The following POLG variants were observed in gnomAD, a reference collection of about 807,000 sequenced individuals.
POLG encodes DNA polymerase gamma, catalytic subunit.
A neutral mutation model predicts 155.4 loss-of-function variants in POLG; 110 were observed. The observed-to-expected ratio is 0.71, with a 90% CI of 0.61 to 0.83. The LOEUF is 0.83. Ranked by LOEUF, POLG falls within the 40% of genes least tolerant of loss-of-function variation. POLG has a pLI of 0.00. For missense variants in POLG, 1,685 were observed against 1,627.5 expected (o/e 1.04, Z -0.61); for synonymous variants, 701 against 631.5 (o/e 1.11, Z -1.65).
chr15:89,327,228 C>G lies in POLG; in HGVS notation c.1372G>C (p.Glu458Gln). The change falls in exon 7 of 23, where the codon GAG becomes CAG. Residue 458 changes from glutamate to glutamine, a missense_variant. Glu to Gln is a conservative substitution (Grantham distance 29). Around this residue, in one of 3 missense-constraint regions of POLG, gnomAD observed 1,210 missense variants for 1,167.1 expected, o/e 1.04. Transcript: ENST00000268124. ...AQGTYEELQREMKKSLMDLAN... is the reference protein window; with the variant it reads ...AQGTYEELQRQMKKSLMDLAN... ...AGATCCATCAACGACTTCTTCATCTCCCGCTGGAGCTCCTCATAAGTGCCC... is the reference window on the plus strand; with the variant it reads ...AGATCCATCAACGACTTCTTCATCTGCCGCTGGAGCTCCTCATAAGTGCCC... 6.2e-7 allele frequency: 1 copy of G among 1,614,238 alleles called. No individual in the cohort carries two copies. The highest frequency in any genetic ancestry group is 8.5e-7 in the Non-Finnish European group (1 of 1,180,042).
rs201016638 is a variant in POLG at position 89,333,621 on chromosome 15, T to C, written c.134A>G (p.Gln45Arg). 883 of 1,599,410 alleles carry C rather than the reference T, an allele frequency of 5.5e-4. 6 individuals are homozygous for C. The African/African-American group carries it at 9.9e-3, about 18-fold the overall frequency. The change falls in exon 2 of 23, where the codon CAG (glutamine) becomes CGG (arginine). Residue 45 changes from glutamine (Q) to arginine (R), a missense_variant. Physicochemically the swap from Gln to Arg is conservative, Grantham distance 43. This residue lies in a region of POLG where 1,210 missense variants were observed against 1,167.1 expected (regional missense o/e 1.04). Transcript: ENST00000268124. The stretch of plus-strand genomic sequence containing the variant: ...TTGCTGCTGCTGCTGCTGCTGCTGC[T>C]GCTGCTGCCGCCGCCGCTGCCCGTC... ...PSDGQRRRQQ[Q>R]QQQQQQQQQQ... is the part of the protein sequence containing the mutation.
In POLG at chr15:89,333,723, C is replaced by T. The variant is rs765472726; in HGVS notation, c.32G>A (p.Gly11Asp). 4.9e-4 allele frequency: 746 copies of T among 1,536,106 alleles called. 1 individual carries two copies. The highest frequency in any genetic ancestry group is 6.1e-4 in the Non-Finnish European group (705 of 1,146,906). The change falls in exon 2 of 23, where the codon GGC (glycine) becomes GAC (aspartate). Residue 11 changes from glycine to aspartate, a missense_variant. By Grantham distance (94) the Gly-to-Asp change is moderately conservative. Coordinates refer to ENST00000268124, the MANE Select transcript of POLG (RefSeq NM_002693.3). MSRLLWRKVA[G>D]ATVGPGPVPA... ...AACCGGCCCTGGCCCGACGGTGGCGCCGGCCACCTTCCTCCAGAGCAGGCG... is the reference window on the plus strand; with the variant it reads ...AACCGGCCCTGGCCCGACGGTGGCGTCGGCCACCTTCCTCCAGAGCAGGCG...
At position 89,317,448 on chromosome 15, in the gene POLG, TC is replaced by T; in HGVS notation, c.3570del (p.Lys1191ArgfsTer3). On this transcript the variant is annotated frameshift_variant, in exon 22 of 23. Transcript: ENST00000268124. LOFTEE classifies it high-confidence loss of function. ...FSAVDIDRCL[R>X]KEVTMDCKTP... Reference sequence around the variant, plus strand: ...GTTTTACAATCCATGGTCACTTCCTTCCTGAGGCACCGGTCAATATCGACTG... The same window carrying T: ...GTTTTACAATCCATGGTCACTTCCTTCTGAGGCACCGGTCAATATCGACTG... The T allele has an allele frequency of 6.2e-7, 1 of 1,614,094 alleles. No homozygotes were observed. Among genetic ancestry groups the T allele is most frequent in the Non-Finnish European group, 8.5e-7 (1 of 1,179,976 alleles).
chr15:89,317,871 C>G (rs1167916833), intron 21 of POLG: 2 of 378,044 alleles, frequency 5.3e-6, no homozygotes, highest in African/African-American at 4.2e-5. Context: ...TTAAGCATAA[C>G]CTCCCGGAGA....
At chr15:89,319,477 G>C in intron 18 of POLG, 127 bp from the exon 19 acceptor site, 2 of 1,304,206 alleles carry the variant, frequency 1.5e-6, no homozygotes, top group Non-Finnish European at 2.1e-6. Context: ...TCCCCTAAAG[G>C]CTTTTATTCA....
rs1567189922 is a variant in POLG at position 89,325,237 on chromosome 15, AGTG to A, written c.1949+210_1949+212del. Among the ~76,000 whole-genome samples, 105 of 106,012 alleles carry A rather than the reference AGTG, an allele frequency of 9.9e-4. 17 individuals carry two copies. The highest frequency in any genetic ancestry group is 4.4e-3 in the African/African-American group (100 of 22,486). The allele number at this position is 106,012 out of a possible 152,430, so 69.5% of individuals were successfully genotyped here. ...GAGTGAGTGAGAGAGTGAGTGAGAG[AGTG>A]AGTGAGTGAGAGAGAGAGTGAGTGA... On this transcript the variant is annotated intron_variant, in intron 10 of 22. Transcript: ENST00000268124.
chr15:89,325,281 AGAAAG>A lies in POLG; in HGVS notation c.1949+164_1949+168del, dbSNP rs1567190068. Among the ~76,000 whole-genome samples the A allele has an allele frequency of 1.0e-3, 109 of 108,864 alleles. 41 individuals carry two copies. The highest frequency in any genetic ancestry group is 4.3e-3 in the African/African-American group (99 of 22,864). The allele number at this position is 108,864 out of a possible 152,430, so 71.4% of individuals were successfully genotyped here. A position where few individuals can be genotyped will look rare whatever the true frequency, so the allele number is the denominator to read the frequency against. On this transcript the variant is annotated intron_variant, in intron 10 of 22. Transcript: ENST00000268124. ...GAGTGAGTGAGTGAGTGAGAGAGAG[AGAAAG>A]AGAGAGAGAGAGGGTGTGTGTGTGT...
Position 89,328,965 on chromosome 15 carries a change from C to T in POLG, c.1001G>A (p.Arg334Lys), listed in dbSNP as rs776437525. 21 of 1,613,904 alleles carry T rather than the reference C, an allele frequency of 1.3e-5. No individual in the cohort carries two copies. The African/African-American group carries it at 2.5e-4, about 19-fold the overall frequency. The change falls in exon 4 of 23, where the codon AGG becomes AAG. Residue 334 changes from arginine to lysine, a missense_variant. This residue lies in a region of POLG where 1,210 missense variants were observed against 1,167.1 expected (regional missense o/e 1.04). Transcript: ENST00000268124. ...PPTKQGQKSQRKARRGPAISS... is the reference protein window; with the variant it reads ...PPTKQGQKSQKKARRGPAISS... ...CACCGCTGGGCCTCTTCTGGCTTTC[C>T]TCTGGGACTTCTGGCCTTGCTTTGT... is the stretch of plus-strand genomic sequence containing the variant.
chr15:89,332,132 T>C (rs2055602082), intron 2 of POLG: 1 of 152,270 alleles, frequency 6.6e-6, no homozygotes, highest in African/African-American at 2.4e-5. Context: ...AAGTTACATA[T>C]TCTAAGTAGT....
In POLG at chr15:89,323,809, GC is replaced by G; in HGVS notation, c.2157+5del. ...CCTAGAGAACCCAAGCCGGCGCACT[GC>G]TCACCAGAGCTAGGGGTTGACCTGG... On this transcript the variant is annotated splice_donor_5th_base_variant and intron_variant, in intron 12 of 22. Coordinates refer to ENST00000268124, the MANE Select transcript of POLG (RefSeq NM_002693.3). The G allele has an allele frequency of 6.2e-7, 1 of 1,611,658 alleles. No homozygotes were observed. Among genetic ancestry groups the G allele is most frequent in the Non-Finnish European group, 8.5e-7 (1 of 1,177,728 alleles).
At chr15:89,328,435 C>A in intron 6 of POLG, 21 bp downstream of exon 6, 1 of 1,601,724 alleles carries the variant, frequency 6.2e-7, no homozygotes, top group South Asian at 1.1e-5. Context: ...CCCAGAGATT[C>A]CCACATGGGC....
intron 2 of POLG, among the ~76,000 whole-genome samples, chr15:89,331,734 G>C (rs376224993): frequency 6.6e-6 from 1 of 152,290 alleles, no homozygotes; most frequent in East Asian, 1.9e-4. Flanking sequence ...GGCATGCCCA[G>C]GTTCAAAGTG....
At chr15:89,324,768 C>G (rs2055447447) in intron 10 of POLG, among the ~76,000 whole-genome samples, 1 of 152,242 alleles carries the variant, frequency 6.6e-6, no homozygotes, top group African/African-American at 2.4e-5. Context: ...GATAACCATT[C>G]TAGCTCATGG....
chr15:89,334,123 G>A (rs1596363211), intron 1 of POLG: 1 of 359,820 alleles, frequency 2.8e-6, no homozygotes, highest in Non-Finnish European at 5.2e-6. Context: ...CCCACGTGGG[G>A]AAGCCGAGGG....
intron 6 of POLG, 137 bp from the exon 7 acceptor site, chr15:89,327,486 C>A (rs2055538416): frequency 1.3e-6 from 1 of 767,624 alleles, no homozygotes; most frequent in Non-Finnish European, 2.2e-6. Flanking sequence ...TAAATCCCAG[C>A]TCTACTGTTA....
chr15:89,333,172 G>A lies in POLG; in HGVS notation c.583C>T (p.Leu195=). ...AAGCAGACCTCCACGTCGAACACCAGGGCCCGCTCCTCGGGGATGGCCACG... is the reference window on the plus strand; with the variant it reads ...AAGCAGACCTCCACGTCGAACACCAAGGCCCGCTCCTCGGGGATGGCCACG... ...VPVAIPEERA[L]VFDVEVCLAE... Residue 195 remains leucine, a synonymous_variant, in exon 2 of 23, where the codon CTG becomes TTG. Coordinates refer to ENST00000268124, the MANE Select transcript of POLG (RefSeq NM_002693.3). 1 of 1,562,510 alleles carries A rather than the reference G, an allele frequency of 6.4e-7. No homozygotes were observed. The highest frequency in any genetic ancestry group is 2.3e-5 in the East Asian group (1 of 44,110).
At chr15:89,323,641 G>A in intron 12 of POLG, 130 bp from the exon 13 acceptor site, 2 of 809,170 alleles carry the variant, frequency 2.5e-6, no homozygotes, top group Non-Finnish European at 4.3e-6. Context: ...TGGCCATGAG[G>A]TCTCACCCAG....
chr15:89,324,673 G>GT (rs2055446106), intron 10 of POLG, among the ~76,000 whole-genome samples: 1 of 152,184 alleles, frequency 6.6e-6, no homozygotes, highest in African/African-American at 2.4e-5. Context: ...CTGGGCCACT[G>GT]TAAGTTTCTC....
intron 21 of POLG, chr15:89,317,759 C>A (rs2055321509): frequency 2.1e-6 from 1 of 477,322 alleles, no homozygotes; most frequent in Non-Finnish European, 3.8e-6. Context: ...ACTCAACATA[C>A]TTTTTTTTTT....
Sources: allele counts gnomAD v4.1 joint callset (sites outside exome capture counted in the v4.1 genomes callset), GRCh38; gene constraint gnomAD v4.1.1; regional missense constraint gnomAD v4.1.1; transcripts MANE v1.5; gene names NCBI Gene and HGNC (gene_info 2026-07-23, HGNC 2026-07-21).